The following PRKN variants were observed in gnomAD, a reference collection of about 807,000 sequenced individuals.
The protein encoded by PRKN is parkin RBR E3 ubiquitin protein ligase.
PRKN carries 56 observed loss-of-function variants against 59.5 expected under a neutral mutation model. The ratio of observed to expected loss-of-function variants is 0.94; its 90% CI spans 0.76 to 1.18. The LOEUF is 1.18. Among genes scored for constraint, PRKN ranks in the 50% most tolerant of loss-of-function variants. PRKN has a pLI of 0.00. For missense variants in PRKN, 657 were observed against 596.4 expected (o/e 1.10, Z -1.06); for synonymous variants, 250 against 222.1 (o/e 1.13, Z -1.12).
chr6:162,266,203 G>C (rs1404746003), intron 2 of PRKN, among the ~76,000 whole-genome samples: 1 of 151,958 alleles, frequency 6.6e-6, no homozygotes, highest in African/African-American at 2.4e-5. Context: ...CTAGAGAAAA[G>C]TAACACCTTT....
At position 161,548,681 on chromosome 6, in the gene PRKN, T is replaced by C; in HGVS notation, c.1083+173A>G. The C allele has an allele frequency of 1.5e-6, 1 of 647,972 alleles. No individual in the cohort carries two copies. The highest frequency in any genetic ancestry group is 2.1e-5 in the South Asian group (1 of 46,936). 40.1% of individuals were successfully genotyped at this position (647,972 alleles called of 1,614,324 possible). A position where few individuals can be genotyped will look rare whatever the true frequency, so the allele number is the denominator to read the frequency against. The stretch of plus-strand genomic sequence containing the variant: ...TTTTCACCAAAATAAATACATAAAT[T>C]TTCAAATCTGGAGTCCTATAAAGGA... On this transcript the variant is annotated intron_variant, in intron 9 of 11. Transcript: ENST00000366898. This position sits in a 1 kb window ranked among gnomAD's most constrained non-coding sequence, Gnocchi z 4.2.
At position 162,638,042 on chromosome 6, in the gene PRKN, GTTTC is replaced by G. The variant is rs879758853; in HGVS notation, c.7+89616_7+89619del. Among the ~76,000 whole-genome samples, 347 of 150,890 alleles carry G rather than the reference GTTTC, an allele frequency of 2.3e-3. 8 individuals carry two copies. The highest frequency in any genetic ancestry group is 0.017 in the Admixed American group (263 of 15,064). On this transcript the variant is annotated intron_variant, in intron 1 of 11. Coordinates refer to ENST00000366898, the MANE Select transcript of PRKN (RefSeq NM_004562.3). ...TGACATTCTCAGATTCCTTTATATA[GTTTC>G]TTTCATAGTTTCATTTTTTAAAAAA...
At chr6:162,649,330 T>C (rs1376461631) in intron 1 of PRKN, among the ~76,000 whole-genome samples, 1 of 152,188 alleles carries the variant, frequency 6.6e-6, no homozygotes, top group Non-Finnish European at 1.5e-5. Context: ...GGTAACCATA[T>C]AATTCATCAT....
chr6:162,435,161 A>G (rs2128164567), intron 2 of PRKN, among the ~76,000 whole-genome samples: 1 of 152,292 alleles, frequency 6.6e-6, no homozygotes, highest in African/African-American at 2.4e-5. Context: ...GGTTTCCTGT[A>G]CCCTAATAAG....
chr6:162,192,553 A>T (rs1784328628), intron 4 of PRKN, among the ~76,000 whole-genome samples: 1 of 147,576 alleles, frequency 6.8e-6, no homozygotes, highest in Non-Finnish European at 1.5e-5. Flanking sequence ...TCCAGGCTCA[A>T]TGGATCCACC....
intron 9 of PRKN, among the ~76,000 whole-genome samples, chr6:161,535,517 C>G (rs1779380094): frequency 6.6e-6 from 1 of 152,218 alleles, no homozygotes; most frequent in Non-Finnish European, 1.5e-5. Context: ...GTCCGCTCAT[C>G]ATCCATTTGC....
intron 7 of PRKN, among the ~76,000 whole-genome samples, chr6:161,665,870 T>G (rs1043246711): frequency 6.6e-6 from 1 of 152,142 alleles, no homozygotes; most frequent in Non-Finnish European, 1.5e-5. Flanking sequence ...TCACCACTGA[T>G]GCGGAATATT....
intron 2 of PRKN, among the ~76,000 whole-genome samples, chr6:162,315,028 G>C (rs904404369): frequency 6.6e-6 from 1 of 152,122 alleles, no homozygotes; most frequent in Non-Finnish European, 1.5e-5. Context: ...TTTGGTGGTT[G>C]ATCAACAGAA....
chr6:162,429,167 A>G (rs892831506), intron 2 of PRKN, among the ~76,000 whole-genome samples: 7 of 152,080 alleles, frequency 4.6e-5, no homozygotes, highest in Non-Finnish European at 1.0e-4. Flanking sequence ...ATGTTACAAG[A>G]AGTCTAAACA....
rs955120650 is a variant in PRKN, at chr6:161,357,764, C to T, written c.1285+2324G>A. 6.6e-6 allele frequency among the ~76,000 whole-genome samples: 1 copy of T among 152,210 alleles called. No homozygotes were observed. The highest frequency in any genetic ancestry group is 1.5e-5 in the Non-Finnish European group (1 of 68,046). The stretch of plus-strand genomic sequence containing the variant: ...CACTTGCTTTGAAATTCTGATTTCT[C>T]ACTGAGGATGGATGTAAACCTTTCC... On this transcript the variant is annotated intron_variant, in intron 11 of 11. Coordinates refer to ENST00000366898, the MANE Select transcript of PRKN (RefSeq NM_004562.3). The surrounding 1 kb of genome is among the most constrained non-coding windows in gnomAD (Gnocchi z 5.5).
At chr6:161,619,407 AT>A (rs1241109890) in intron 7 of PRKN, among the ~76,000 whole-genome samples, 3 of 130,956 alleles carry the variant, frequency 2.3e-5, no homozygotes, top group Non-Finnish European at 3.3e-5. Flanking sequence ...GAAGTTTTTT[AT>A]TTTTTTCAAT....
At chr6:162,112,433 A>T (rs563544610) in intron 4 of PRKN, among the ~76,000 whole-genome samples, 3 of 152,212 alleles carry the variant, frequency 2.0e-5, no homozygotes, top group East Asian at 1.9e-4. Flanking sequence ...ACCACATATT[A>T]AAAAAGATAA....
At chr6:161,478,463 G>A (rs1206327897) in intron 9 of PRKN, among the ~76,000 whole-genome samples, 1 of 152,126 alleles carries the variant, frequency 6.6e-6, no homozygotes, top group Non-Finnish European at 1.5e-5. Context: ...AGTTACACAT[G>A]TGATAATTGA....
At chr6:162,430,161 C>A (rs966897450) in intron 2 of PRKN, among the ~76,000 whole-genome samples, 1 of 136,942 alleles carries the variant, frequency 7.3e-6, no homozygotes, top group African/African-American at 2.9e-5. Context: ...ATGACGATGA[C>A]GACGACGACG....
Position 161,363,033 on chromosome 6 carries a change from G to T in PRKN, c.1168-2828C>A, listed in dbSNP as rs1474046579. Among the ~76,000 whole-genome samples the T allele has an allele frequency of 6.6e-6, 1 of 152,074 alleles. No homozygotes were observed. The highest frequency in any genetic ancestry group is 1.5e-5 in the Non-Finnish European group (1 of 68,018). ...GAGGCAGGTGGATCACTTGAGGCCG[G>T]GTGTTCAAGACCAGCCTGGCCAACA... On this transcript the variant is annotated intron_variant, in intron 10 of 11. Coordinates refer to ENST00000366898, the MANE Select transcript of PRKN (RefSeq NM_004562.3). This position sits in a 1 kb window ranked among gnomAD's most constrained non-coding sequence, Gnocchi z 4.1.
At chr6:162,402,003 A>G (rs1393495755) in intron 2 of PRKN, among the ~76,000 whole-genome samples, 1 of 152,094 alleles carries the variant, frequency 6.6e-6, no homozygotes, top group Non-Finnish European at 1.5e-5. Context: ...TAATCCCAGC[A>G]CTTTGAGAGG....
At chr6:162,393,163 T>TTTTTTTTTTTTTTTTTTTTTTTG (rs1787297096) in intron 2 of PRKN, among the ~76,000 whole-genome samples, 1 of 131,418 alleles carries the variant, frequency 7.6e-6, no homozygotes, top group Non-Finnish European at 1.6e-5. Context: ...TTCTTTTTTT[T>TTTTTTTTTTTTTTTTTTTTTTTG]TTTTTTTTTT....
At chr6:161,394,547 T>C (rs1468007456) in intron 9 of PRKN, among the ~76,000 whole-genome samples, 1 of 152,174 alleles carries the variant, frequency 6.6e-6, no homozygotes, top group Non-Finnish European at 1.5e-5. Flanking sequence ...TCTGAAAAGA[T>C]CCCCGAAAAT....
At chr6:162,724,930 C>T (rs998224840) in intron 1 of PRKN, among the ~76,000 whole-genome samples, 15 of 152,242 alleles carry the variant, frequency 9.9e-5, no homozygotes, top group African/African-American at 3.6e-4. Flanking sequence ...CCCAGGCAAA[C>T]CTAGAAAACG....
Sources: gnomAD v4.1 joint callset for allele counts (sites outside exome capture counted in the v4.1 genomes callset) on GRCh38, gnomAD v4.1.1 for gene constraint, Gnocchi (gnomAD v3.1) non-coding constraint, MANE v1.5 for transcripts, NCBI Gene and HGNC (gene_info 2026-07-23, HGNC 2026-07-21) for gene names.